The following MITF variants were observed in gnomAD, a reference collection of about 807,000 sequenced individuals.
The protein encoded by MITF is microphthalmia-associated transcription factor.
Under a neutral mutation model 60.5 loss-of-function variants are expected in MITF, and 17 were observed. That is an observed-to-expected ratio of 0.28 (90% CI 0.19 to 0.42). The LOEUF is 0.42. MITF is among the 10% of genes least tolerant of loss of function. The pLI is 1.00. For synonymous variants in MITF, 260 were observed against 248.5 expected (o/e 1.05, Z -0.43); for missense variants, 622 against 683.5 (o/e 0.91, Z 1.00).
At chr3:69,905,138 C>A (rs2065069765) in intron 2 of MITF, among the ~76,000 whole-genome samples, 1 of 152,060 alleles carries the variant, frequency 6.6e-6, no homozygotes, top group African/African-American at 2.4e-5. Flanking sequence ...GGCCCTACTC[C>A]CCTTGTCCCC....
intron 2 of MITF, among the ~76,000 whole-genome samples, chr3:69,890,508 C>T (rs1176233645): frequency 6.6e-6 from 1 of 152,108 alleles, no homozygotes; most frequent in Non-Finnish European, 1.5e-5. Context: ...GTTAATCATA[C>T]ATTGTTCTTT....
intron 2 of MITF, among the ~76,000 whole-genome samples, chr3:69,893,395 G>A (rs1238167655): frequency 2.6e-5 from 4 of 152,016 alleles, no homozygotes; most frequent in East Asian, 1.9e-4. Context: ...GTTAGATCGG[G>A]CGATATCCAT....
At chr3:69,831,488 A>G (rs1345056951) in intron 1 of MITF, among the ~76,000 whole-genome samples, 1 of 151,900 alleles carries the variant, frequency 6.6e-6, no homozygotes, top group Non-Finnish European at 1.5e-5. Flanking sequence ...ATCTTTTGCA[A>G]TTTTTTTGTT....
At chr3:69,744,344 G>T (rs1427450666) in intron 1 of MITF, among the ~76,000 whole-genome samples, 3 of 123,992 alleles carry the variant, frequency 2.4e-5, no homozygotes, top group Non-Finnish European at 5.0e-5. Flanking sequence ...AAGTTTTCTT[G>T]ATTTTTTTTT....
intron 1 of MITF, among the ~76,000 whole-genome samples, chr3:69,754,513 A>T (rs1170208908): frequency 6.6e-6 from 1 of 151,986 alleles, no homozygotes; most frequent in Middle Eastern, 3.2e-3. Context: ...GCTCACTCCC[A>T]CTTTGCCTTC....
At chr3:69,862,503 C>T (rs186288429) in intron 1 of MITF, among the ~76,000 whole-genome samples, 16 of 152,186 alleles carry the variant, frequency 1.1e-4, no homozygotes, top group East Asian at 1.9e-4. Context: ...ATGGTGTGCT[C>T]GGGCTGGGCA....
chr3:69,856,355 A>G (rs527559666), intron 1 of MITF, among the ~76,000 whole-genome samples: 10 of 152,346 alleles, frequency 6.6e-5, no homozygotes, highest in African/African-American at 2.4e-4. Context: ...TAAAATCAAT[A>G]TAATGAAATT....
At chr3:69,855,823 C>T (rs1159322887) in intron 1 of MITF, among the ~76,000 whole-genome samples, 2 of 152,270 alleles carry the variant, frequency 1.3e-5, no homozygotes, top group East Asian at 3.9e-4. Flanking sequence ...AAGCATCAAC[C>T]TGTAGCATGC....
At chr3:69,954,318 C>T (rs2066343308) in intron 7 of MITF, among the ~76,000 whole-genome samples, 1 of 152,118 alleles carries the variant, frequency 6.6e-6, no homozygotes. Context: ...AGTGAATAAA[C>T]ATAACAAATA....
In MITF at chr3:69,936,937, T is replaced by C. The variant is rs2065849686; in HGVS notation, c.355-885T>C. 5.5e-6 allele frequency: 3 copies of C among 543,054 alleles called. No homozygotes were observed. In the East Asian group the frequency reaches 9.5e-5, roughly 17 times the overall value. The allele number at this position is 543,054 out of a possible 1,614,324, so 33.6% of individuals were successfully genotyped here. A position where few individuals can be genotyped will look rare whatever the true frequency, so the allele number is the denominator to read the frequency against. On this transcript the variant is annotated intron_variant, in intron 2 of 9. Transcript: ENST00000352241. ...ATGTAGTTTTGAACAAAGTAAATAT[T>C]AGTAGGATTCTTTTTTTTTTTTTTT...
intron 2 of MITF, among the ~76,000 whole-genome samples, chr3:69,895,384 C>A (rs1442129500): frequency 5.3e-5 from 8 of 152,072 alleles, no homozygotes; most frequent in Admixed American, 4.6e-4. Flanking sequence ...TAATGTTAAT[C>A]CTGGTTATCA....
chr3:69,909,796 T>C (rs182429906), intron 2 of MITF, among the ~76,000 whole-genome samples: 1 of 152,266 alleles, frequency 6.6e-6, no homozygotes, highest in East Asian at 1.9e-4. Context: ...AAAGGTGACT[T>C]TGGGTGCTGT....
chr3:69,938,286 A>G (rs953246674), intron 3 of MITF: 2 of 1,399,450 alleles, frequency 1.4e-6, no homozygotes, highest in East Asian at 2.5e-5. Context: ...TGTGGAGGCG[A>G]GGACACTTTT....
At chr3:69,803,921 T>C (rs897060252) in intron 1 of MITF, among the ~76,000 whole-genome samples, 2 of 152,148 alleles carry the variant, frequency 1.3e-5, no homozygotes, top group Non-Finnish European at 2.9e-5. Flanking sequence ...AAGTGTATAG[T>C]CACCGCAAAT....
chr3:69,762,729 C>A, intron 1 of MITF: 1 of 221,710 alleles, frequency 4.5e-6, no homozygotes, highest in Admixed American at 5.7e-5. Flanking sequence ...CAGTCATCTC[C>A]CTACAGCAGA....
intron 1 of MITF, among the ~76,000 whole-genome samples, chr3:69,807,583 G>C (rs1434787811): frequency 6.6e-6 from 1 of 152,172 alleles, no homozygotes; most frequent in Non-Finnish European, 1.5e-5. Context: ...AGTCTTGCTT[G>C]TCTACAACAA....
At chr3:69,745,938 C>T (rs1703709211) in intron 1 of MITF, among the ~76,000 whole-genome samples, 1 of 152,192 alleles carries the variant, frequency 6.6e-6, no homozygotes, top group African/African-American at 2.4e-5. Flanking sequence ...GAAATTAATT[C>T]CTCCTTTTCT....
At position 69,835,561 on chromosome 3, in the gene MITF, TG is replaced by T. The variant is rs543494960; in HGVS notation, c.105-43572del. ...AAAAAATCCTTGCCAAGCCCAGTGT[TG>T]TGAAGCATTTTGCCTGTGTTTTCTT... On this transcript the variant is annotated intron_variant, in intron 1 of 9. Coordinates refer to ENST00000352241, the MANE Select transcript of MITF (RefSeq NM_001354604.2). Among the ~76,000 whole-genome samples the T allele has an allele frequency of 4.3e-4, 65 of 152,238 alleles. No homozygotes were observed. The East Asian group carries it at 0.011, about 26-fold the overall frequency.
At chr3:69,860,838 G>T (rs2064003656) in intron 1 of MITF, among the ~76,000 whole-genome samples, 1 of 152,150 alleles carries the variant, frequency 6.6e-6, no homozygotes, top group Admixed American at 6.5e-5. Flanking sequence ...ACCTTGAAGG[G>T]CTTCCTTGGT....
Sources: gnomAD v4.1 joint callset for allele counts (sites outside exome capture counted in the v4.1 genomes callset) on GRCh38, gnomAD v4.1.1 for gene constraint, MANE v1.5 for transcripts, NCBI Gene and HGNC (gene_info 2026-07-23, HGNC 2026-07-21) for gene names.